GRM4: variants seen among roughly 807,000 people sequenced by gnomAD.
The protein encoded by GRM4 is glutamate metabotropic receptor 4, also known as metabotropic glutamate receptor 4.
A neutral mutation model predicts 81.7 loss-of-function variants in GRM4; 28 were observed. That is an observed-to-expected ratio of 0.34 (90% CI 0.25 to 0.47). GRM4 has a LOEUF of 0.47. Among genes scored for constraint, GRM4 ranks in the 20% least tolerant of loss-of-function variants. GRM4 has a pLI of 1.00. For synonymous variants in GRM4, 488 were observed against 528.8 expected (o/e 0.92, Z 1.06); for missense variants, 948 against 1,290.0 (o/e 0.73, Z 4.06).
intron 8 of GRM4, among the ~76,000 whole-genome samples, chr6:34,039,712 A>T (rs1401291794): frequency 6.6e-6 from 1 of 152,138 alleles, no homozygotes; most frequent in Non-Finnish European, 1.5e-5. Context: ...ACTACCCACC[A>T]GTCAGTGGCA....
In GRM4 at chr6:34,047,859, C is replaced by G. The variant is rs1765429168; in HGVS notation, c.1169-7111G>C. On this transcript the variant is annotated intron_variant, in intron 6 of 10. Transcript: ENST00000538487. The surrounding 1 kb of genome is among the most constrained non-coding windows in gnomAD (Gnocchi z 4.5). ...AGTGTTCTTTTACAAGCTCCAAGAG[C>G]TCTGTGGTAGCATCGCCTGGGGCTC... Among the ~76,000 whole-genome samples, 1 of 152,206 alleles carries G rather than the reference C, an allele frequency of 6.6e-6. No homozygotes were observed. The highest frequency in any genetic ancestry group is 1.5e-5 in the Non-Finnish European group (1 of 68,044).
Position 34,044,279 on chromosome 6 carries a change from C to CACACACACAT in GRM4, c.1169-3541_1169-3532dup, listed in dbSNP as rs766123891. ...ATACATACATACACATATACACATA[C>CACACACACAT]ACACACACATAGACATACATACATA... On this transcript the variant is annotated intron_variant, in intron 6 of 10. Transcript: ENST00000538487. 4.2e-3 allele frequency among the ~76,000 whole-genome samples: 638 copies of CACACACACAT among 150,636 alleles called. 5 individuals carry two copies. The highest frequency in any genetic ancestry group is 7.2e-3 in the Non-Finnish European group (485 of 67,568).
chr6:34,081,679 G>A (rs1002440211), intron 3 of GRM4, among the ~76,000 whole-genome samples: 1 of 152,056 alleles, frequency 6.6e-6, no homozygotes, highest in African/African-American at 2.4e-5. Context: ...GGACATCCCC[G>A]CCCCAGGGCA....
In GRM4 at chr6:34,089,376, C is replaced by CTT. The variant is rs1768079142; in HGVS notation, c.736+2506_736+2507insAA. 6.6e-6 allele frequency among the ~76,000 whole-genome samples: 1 copy of CTT among 151,598 alleles called. No individual in the cohort carries two copies. Among genetic ancestry groups the CTT allele is most frequent in the Admixed American group, 6.6e-5 (1 of 15,198 alleles). On this transcript the variant is annotated intron_variant, in intron 3 of 10. Coordinates refer to ENST00000538487, the MANE Select transcript of GRM4 (RefSeq NM_000841.4). This position sits in a 1 kb window ranked among gnomAD's most constrained non-coding sequence, Gnocchi z 4.3. ...ATTTGGCCAGCTGAAGTGCAGCTCT[C>CTT]TCTCTCTCTCTTCCTTTCTTTTCAC... is the stretch of plus-strand genomic sequence containing the variant.
intron 2 of GRM4, among the ~76,000 whole-genome samples, chr6:34,129,780 G>C (rs1770164646): frequency 6.6e-6 from 1 of 152,176 alleles, no homozygotes; most frequent in South Asian, 2.1e-4. Context: ...AGAGCAAGAG[G>C]TTGGCCCCTT....
rs999779523 is a variant in GRM4, at chr6:34,078,074, T to G, written c.736+13809A>C. On this transcript the variant is annotated intron_variant, in intron 3 of 10. Coordinates refer to ENST00000538487, the MANE Select transcript of GRM4 (RefSeq NM_000841.4). The surrounding 1 kb of genome is among the most constrained non-coding windows in gnomAD (Gnocchi z 4.8). ...TGGGTACAGCCTGGAATAGGACAGATAAGCCTGCCCTCGTGGAGCTGACAT... is the reference window on the plus strand; with the variant it reads ...TGGGTACAGCCTGGAATAGGACAGAGAAGCCTGCCCTCGTGGAGCTGACAT... 4.6e-5 allele frequency among the ~76,000 whole-genome samples: 7 copies of G among 152,294 alleles called. No individual in the cohort carries two copies. Among genetic ancestry groups the G allele is most frequent in the Middle Eastern group, 3.4e-3 (1 of 294 alleles).
chr6:34,147,640 G>A (rs1468684619), upstream of GRM4, among the ~76,000 whole-genome samples: 1 of 152,222 alleles, frequency 6.6e-6, no homozygotes, highest in Non-Finnish European at 1.5e-5. Context: ...AGGGGGCTCA[G>A]GACAGCTCAA....
intron 1 of GRM4, among the ~76,000 whole-genome samples, chr6:34,153,535 T>C (rs909014729): frequency 7.2e-5 from 11 of 152,236 alleles, no homozygotes; most frequent in African/African-American, 2.4e-4. Flanking sequence ...GCTGACGCTC[T>C]CCTGTGAGCA....
chr6:34,137,557 C>A (rs1770510130), intron 1 of GRM4, among the ~76,000 whole-genome samples: 1 of 151,468 alleles, frequency 6.6e-6, no homozygotes, highest in Non-Finnish European at 1.5e-5. Context: ...CTCCAGGAAC[C>A]TGCCTTGTGG....
At chr6:34,151,302 T>C (rs1344955479) in intron 1 of GRM4, among the ~76,000 whole-genome samples, 1 of 152,178 alleles carries the variant, frequency 6.6e-6, no homozygotes, top group Non-Finnish European at 1.5e-5. Context: ...AGAAAGACTC[T>C]TTCTCCTCCT....
intron 1 of GRM4, among the ~76,000 whole-genome samples, chr6:34,145,539 G>A (rs1169301487): frequency 1.3e-5 from 2 of 152,226 alleles, no homozygotes; most frequent in Non-Finnish European, 2.9e-5. Context: ...CGCAACAGCG[G>A]CAACAGCAGC....
At chr6:34,153,204 CT>C (rs1222758270) in intron 1 of GRM4, among the ~76,000 whole-genome samples, 2 of 152,240 alleles carry the variant, frequency 1.3e-5, no homozygotes, top group African/African-American at 4.8e-5. Flanking sequence ...ATCCCCACCC[CT>C]GAGCCTCTCC....
At chr6:34,124,889 T>C (rs553512411) in intron 2 of GRM4, among the ~76,000 whole-genome samples, 14 of 151,880 alleles carry the variant, frequency 9.2e-5, no homozygotes, top group Admixed American at 5.9e-4. Context: ...ATGCCATGCA[T>C]CACATCCAGA....
chr6:34,045,389 G>T (rs1220927705), intron 6 of GRM4, among the ~76,000 whole-genome samples: 1 of 152,224 alleles, frequency 6.6e-6, no homozygotes, highest in African/African-American at 2.4e-5. Context: ...CCCCCTCACA[G>T]GGGAGGTAGC....
At chr6:34,128,184 G>A (rs987953085) in intron 2 of GRM4, among the ~76,000 whole-genome samples, 12 of 152,174 alleles carry the variant, frequency 7.9e-5, no homozygotes, top group African/African-American at 2.9e-4. Flanking sequence ...CAGATGGTGG[G>A]GAACTCTCCG....
chr6:34,062,385 C>T (rs1476850319), intron 3 of GRM4: 1 of 230,702 alleles, frequency 4.3e-6, no homozygotes, highest in African/African-American at 2.2e-5. Flanking sequence ...AGTTACTGGA[C>T]CTCTCTGTGA....
intron 1 of GRM4, among the ~76,000 whole-genome samples, chr6:34,142,468 G>A (rs760147181): frequency 4.6e-5 from 7 of 152,198 alleles, no homozygotes; most frequent in Non-Finnish European, 1.0e-4. Flanking sequence ...CTAGGAGAGA[G>A]GACACGTCTA....
intron 2 of GRM4, among the ~76,000 whole-genome samples, chr6:34,113,848 T>C (rs1769482961): frequency 6.6e-6 from 1 of 152,164 alleles, no homozygotes; most frequent in African/African-American, 2.4e-5. Context: ...TCCAAGGCTA[T>C]CTACTGCACC....
At chr6:34,032,184 C>T (rs957937945) in intron 9 of GRM4, among the ~76,000 whole-genome samples, 2 of 152,150 alleles carry the variant, frequency 1.3e-5, no homozygotes, top group Non-Finnish European at 2.9e-5. Context: ...ACATACCCTT[C>T]AGCACACCCA....
Sources: allele counts gnomAD v4.1 joint callset (sites outside exome capture counted in the v4.1 genomes callset), GRCh38; gene constraint gnomAD v4.1.1; non-coding constraint Gnocchi (gnomAD v3.1); transcripts MANE v1.5; gene names NCBI Gene and HGNC (gene_info 2026-07-23, HGNC 2026-07-21).